DCX: variants seen among roughly 807,000 people sequenced by gnomAD.
DCX encodes the protein neuronal migration protein doublecortin.
Under a neutral mutation model 20.9 loss-of-function variants are expected in DCX, and 4 were observed. The observed-to-expected ratio is 0.19, with a 90% confidence interval of 0.09 to 0.44. DCX has a LOEUF of 0.44. Ranked by LOEUF, DCX falls within the 20% of genes least tolerant of loss-of-function variation. The pLI is 0.99. For synonymous variants in DCX, 103 were observed against 111.4 expected, an observed-to-expected ratio of 0.92 and a Z score of 0.47; for missense variants, 133 against 296.9, an observed-to-expected ratio of 0.45 and a Z score of 4.06.
intron 3 of DCX, among the ~76,000 whole-genome samples, chrX:111,370,765 A>T (rs1429704290): frequency 9.2e-6 from 1 of 108,622 alleles, no homozygotes; most frequent in Admixed American, 9.9e-5. Context: ...GGATGTTAGG[A>T]ACACCTGGAG....
chrX:111,395,997 A>G (rs986733822), intron 3 of DCX, among the ~76,000 whole-genome samples: 2 of 112,643 alleles, frequency 1.8e-5, no homozygotes, highest in Non-Finnish European at 3.8e-5. Context: ...AAGTGCATTC[A>G]ACATTTCCAA....
At position 111,295,234 on chromosome X, in the gene DCX, T is replaced by G. The variant is rs2095017662; in HGVS notation, c.*6453A>C. The stretch of plus-strand genomic sequence containing the variant: ...GCCAAGCAGTGACATTTCCAAGGGC[T>G]TTGCACTCTGTTTAATAAATTAACA... On this transcript the variant is annotated 3_prime_UTR_variant, in exon 7 of 7. Coordinates refer to ENST00000636035, the MANE Select transcript of DCX (RefSeq NM_001195553.2). 9.0e-6 allele frequency: 1 copy of G among 111,719 alleles called. No homozygotes were observed. Among genetic ancestry groups the G allele is most frequent in the South Asian group, 3.7e-4 (1 of 2,681 alleles). 9.2% of individuals were successfully genotyped at this position (111,719 alleles called of 1,213,427 possible).
chrX:111,354,100 T>C (rs1380210065), intron 3 of DCX, among the ~76,000 whole-genome samples: 1 of 111,634 alleles, frequency 9.0e-6, no homozygotes, highest in Non-Finnish European at 1.9e-5. Context: ...ATGAGTCAAC[T>C]GCAAATTTTT....
chrX:111,329,270 T>C (rs1051538836), intron 5 of DCX, among the ~76,000 whole-genome samples: 3 of 111,990 alleles, frequency 2.7e-5, no homozygotes, highest in Non-Finnish European at 3.8e-5. Context: ...AAGGCACATG[T>C]ATTTTTTATT....
intron 3 of DCX, among the ~76,000 whole-genome samples, chrX:111,345,079 A>G (rs1370909618): frequency 8.9e-6 from 1 of 111,768 alleles, no homozygotes. Flanking sequence ...AACCTCAGAC[A>G]TAATACCACA....
rs1430130742 is a variant in DCX, at chrX:111,333,271, T to G, written c.706-118A>C. ...GCCATCATCTTCAGCTCCCAGGAGT[T>G]TTCTCTTTCTTAAAACACCTACCAC... On this transcript the variant is annotated intron_variant, in intron 3 of 6. Coordinates refer to ENST00000636035, the MANE Select transcript of DCX (RefSeq NM_001195553.2). 14 of 557,149 alleles carry G rather than the reference T, an allele frequency of 2.5e-5. No homozygotes were observed. In the Admixed American group the frequency reaches 3.8e-4, roughly 15 times the overall value. The allele number at this position is 557,149 out of a possible 1,213,427, so 45.9% of individuals were successfully genotyped here.
chrX:111,361,534 C>A (rs774213555), intron 3 of DCX, among the ~76,000 whole-genome samples: 1 of 112,097 alleles, frequency 8.9e-6, no homozygotes, highest in African/African-American at 3.2e-5. Flanking sequence ...TTATTAATTT[C>A]ACCTAAACTC....
At chrX:111,350,366 A>G (rs1202432279) in intron 3 of DCX, among the ~76,000 whole-genome samples, 1 of 111,952 alleles carries the variant, frequency 8.9e-6, no homozygotes, top group Non-Finnish European at 1.9e-5. Context: ...AATAATAATA[A>G]TACCATTTTG....
Position 111,391,586 on chromosome X carries a change from C to CT in DCX, c.705+9403dup, listed in dbSNP as rs972904145. ...TATAGACATATGGGGCCAGATCACT[C>CT]TTTTTTTGTGGGGGGAAGCGCTGTT... On this transcript the variant is annotated intron_variant, in intron 3 of 6. Transcript: ENST00000636035. Among the ~76,000 whole-genome samples the CT allele has an allele frequency of 9.9e-5, 11 of 110,975 alleles. No individual in the cohort carries two copies. The South Asian group carries it at 3.1e-3, about 31-fold the overall frequency.
At chrX:111,341,971 T>A in intron 3 of DCX, among the ~76,000 whole-genome samples, 1 of 109,674 alleles carries the variant, frequency 9.1e-6, no homozygotes, top group Admixed American at 9.8e-5. Context: ...CATCAAATAG[T>A]GTGCAAAATA....
intron 3 of DCX, among the ~76,000 whole-genome samples, chrX:111,337,070 C>G (rs1339466577): frequency 1.8e-5 from 2 of 112,414 alleles, no homozygotes; most frequent in Non-Finnish European, 3.8e-5. Context: ...TAATGTGATA[C>G]AAAGTCCACC....
chrX:111,390,749 A>G (rs1268299767), intron 3 of DCX, among the ~76,000 whole-genome samples: 1 of 111,116 alleles, frequency 9.0e-6, no homozygotes, highest in African/African-American at 3.3e-5. Context: ...CTGTAATCCC[A>G]GCACTTTGGG....
At chrX:111,408,683 AAAG>A (rs1328298979) in intron 2 of DCX, among the ~76,000 whole-genome samples, 3 of 107,440 alleles carry the variant, frequency 2.8e-5, no homozygotes, top group Non-Finnish European at 5.8e-5. Context: ...AGAAAGAAAG[AAAG>A]AAAGAAAGGA....
intron 3 of DCX, among the ~76,000 whole-genome samples, chrX:111,391,461 T>C (rs1174014131): frequency 8.9e-6 from 1 of 111,786 alleles, no homozygotes; most frequent in East Asian, 2.8e-4. Context: ...TAACACAGTT[T>C]ACAAGGTCAT....
chrX:111,372,240 C>CT (rs200939972), intron 3 of DCX, among the ~76,000 whole-genome samples: 1 of 111,708 alleles, frequency 9.0e-6, no homozygotes, highest in Non-Finnish European at 1.9e-5. Context: ...GGGGGAAGCG[C>CT]TTTTTTTTCC....
chrX:111,314,123 G>A (rs1033228044), intron 5 of DCX, among the ~76,000 whole-genome samples: 1 of 111,694 alleles, frequency 9.0e-6, no homozygotes, highest in Admixed American at 9.5e-5. Context: ...AGAGACATCA[G>A]TGTAGTGGTT....
At chrX:111,367,152 C>A (rs1348482172) in intron 3 of DCX, among the ~76,000 whole-genome samples, 1 of 111,978 alleles carries the variant, frequency 8.9e-6, no homozygotes, top group Non-Finnish European at 1.9e-5. Flanking sequence ...GGTAACCCCT[C>A]ATGCATCTTT....
chrX:111,331,496 C>G (rs1326096672), intron 4 of DCX, among the ~76,000 whole-genome samples: 1 of 111,968 alleles, frequency 8.9e-6, no homozygotes, highest in Non-Finnish European at 1.9e-5. Context: ...ACATGCCACA[C>G]GTTGATAGAC....
At chrX:111,395,989 G>A (rs900880431) in intron 3 of DCX, among the ~76,000 whole-genome samples, 3 of 112,632 alleles carry the variant, frequency 2.7e-5, no homozygotes, top group African/African-American at 9.7e-5. Flanking sequence ...ACCTTGGTAA[G>A]TGCATTCAAC....
Sources: gnomAD v4.1 joint callset for allele counts (sites outside exome capture counted in the v4.1 genomes callset) on GRCh38, gnomAD v4.1.1 for gene constraint, MANE v1.5 for transcripts, NCBI Gene and HGNC (gene_info 2026-07-23, HGNC 2026-07-21) for gene names.